Variants in LTN1 observed in about 807,000 individuals in gnomAD.
LTN1 encodes E3 ubiquitin-protein ligase listerin.
LTN1 carries 88 observed loss-of-function variants against 201.2 expected under a neutral mutation model. That is an observed-to-expected ratio of 0.44 (90% confidence interval 0.37 to 0.52). LTN1 has a LOEUF of 0.52. Ranked by LOEUF, LTN1 falls within the 20% of genes least tolerant of loss-of-function variation. LTN1 has a pLI of 0.00. For missense variants in LTN1, 1,752 were observed against 2,038.7 expected (o/e 0.86, Z 2.71); for synonymous variants, 645 against 713.5 (o/e 0.90, Z 1.53).
In LTN1 at chr21:28,965,916, GAA is replaced by G. The variant is rs1361648524; in HGVS notation, c.2122-12_2122-11del. The G allele has an allele frequency of 6.6e-7, 1 of 1,518,638 alleles. No individual in the cohort carries two copies. Among genetic ancestry groups the G allele is most frequent in the Non-Finnish European group, 9.0e-7 (1 of 1,109,076 alleles). The allele number at this position is 1,518,638 out of a possible 1,614,324, so 94.1% of individuals were successfully genotyped here. A position where few individuals can be genotyped will look rare whatever the true frequency, so the allele number is the denominator to read the frequency against. On this transcript the variant is annotated splice_polypyrimidine_tract_variant and intron_variant, in intron 10 of 29. Coordinates refer to ENST00000361371, the MANE Select transcript of LTN1 (RefSeq NM_015565.3). Reference sequence around the variant, plus strand: ...TCCATTTCAAGTCCACCTGAAAAAAGAAAAAGAGTTAGAAACAATCTGCTAGA... The same window carrying G: ...TCCATTTCAAGTCCACCTGAAAAAAGAAAGAGTTAGAAACAATCTGCTAGA...
rs1432901769 is a variant in LTN1 at position 28,929,619 on chromosome 21, T to C, written c.*829A>G. ...ATCTTTAAGTTTCAGTAATACTCAT[T>C]TATTTCTTCCCTCTCAATAGAAGGA... On this transcript the variant is annotated 3_prime_UTR_variant, in exon 30 of 30. Coordinates refer to ENST00000361371, the MANE Select transcript of LTN1 (RefSeq NM_015565.3). The C allele has an allele frequency of 6.6e-6, 1 of 152,112 alleles. No homozygotes were observed. Among genetic ancestry groups the C allele is most frequent in the Non-Finnish European group, 1.5e-5 (1 of 67,998 alleles). 9.4% of individuals were successfully genotyped at this position (152,112 alleles called of 1,614,324 possible).
intron 1 of LTN1, among the ~76,000 whole-genome samples, chr21:28,989,541 C>T (rs1239702727): frequency 6.6e-6 from 1 of 151,758 alleles, no homozygotes; most frequent in African/African-American, 2.4e-5. Flanking sequence ...TTTGTGGTGG[C>T]AATCCTGAGT....
chr21:28,936,684 TACA>T lies in LTN1; in HGVS notation c.4493_4495del (p.Leu1498del). On this transcript the variant is annotated inframe_deletion, in exon 26 of 30. Coordinates refer to ENST00000361371, the MANE Select transcript of LTN1 (RefSeq NM_015565.3). Reference sequence around the variant, plus strand: ...CTTTGTTTTCCGAAGATACATGGAATACAAAGCCCGAAGCTGGTGGAGAGCAAA... The same window carrying T: ...CTTTGTTTTCCGAAGATACATGGAATAAGCCCGAAGCTGGTGGAGAGCAAA... 2 of 1,611,214 alleles carry T rather than the reference TACA, an allele frequency of 1.2e-6. No homozygotes were observed. The highest frequency in any genetic ancestry group is 1.7e-6 in the Non-Finnish European group (2 of 1,178,300).
At chr21:28,992,417 C>T (rs1421822267) in intron 1 of LTN1, among the ~76,000 whole-genome samples, 2 of 152,080 alleles carry the variant, frequency 1.3e-5, no homozygotes, top group Non-Finnish European at 2.9e-5. Context: ...TAACATTCTC[C>T]CAACTCTCCT....
Position 28,959,635 on chromosome 21 carries a change from T to C in LTN1, c.2416A>G (p.Lys806Glu). The C allele has an allele frequency of 6.2e-7, 1 of 1,613,798 alleles. No homozygotes were observed. The highest frequency in any genetic ancestry group is 2.2e-5 in the East Asian group (1 of 44,846). Residue 806 changes from lysine to glutamate, a missense_variant, in exon 13 of 30, where the codon AAA (lysine) becomes GAA (glutamate). Transcript: ENST00000361371. ...TCAGCTTCTGATAATTTCTTTGTTT[T>C]GAATAAAGTTTCATGAAGTCTAACA... ...IIVRLHETLF[K>E]TKKLSEAESS...
intron 15 of LTN1, 74 bp downstream of exon 15, chr21:28,957,257 CA>C: frequency 1.5e-6 from 2 of 1,363,244 alleles, no homozygotes; most frequent in Non-Finnish European, 2.0e-6. Context: ...TTTTCTTCCC[CA>C]AAATAAAAAT....
rs2084245404 is a variant in LTN1, at chr21:28,935,262, G to A, written c.4722C>T (p.Asp1574=). The A allele has an allele frequency of 6.2e-7, 1 of 1,614,054 alleles. No homozygotes were observed. Among genetic ancestry groups the A allele is most frequent in the African/African-American group, 1.3e-5 (1 of 75,040 alleles). Residue 1574 remains aspartate, a synonymous_variant, in exon 27 of 30, where the codon GAC becomes GAT. Coordinates refer to ENST00000361371, the MANE Select transcript of LTN1 (RefSeq NM_015565.3). ...ACSVYHMTLK[D]LPAMVRLWWN... The stretch of plus-strand genomic sequence containing the variant: ...ACCACAACCTAACCATGGCAGGCAA[G>A]TCTTTTAATGTCATATGATAGACTG...
chr21:28,992,666 C>T (rs2084756918), intron 1 of LTN1, 98 bp downstream of exon 1: 1 of 1,381,842 alleles, frequency 7.2e-7, no homozygotes, highest in Non-Finnish European at 1.0e-6. Context: ...CACACGCCTC[C>T]CTACAGCCGC....
intron 21 of LTN1, among the ~76,000 whole-genome samples, chr21:28,945,079 G>A (rs1329507413): frequency 2.6e-5 from 4 of 152,062 alleles, no homozygotes; most frequent in Admixed American, 6.6e-5. Flanking sequence ...AAAATTAGTC[G>A]TGCATGCTGG....
chr21:28,930,565 A>G, intron 29 of LTN1, 55 bp from the exon 30 acceptor site: 3 of 1,143,666 alleles, frequency 2.6e-6, no homozygotes. Context: ...CTCCTCTAAC[A>G]TACATCATAA....
At position 28,958,761 on chromosome 21, in the gene LTN1, G is replaced by C. The variant is rs573638986; in HGVS notation, c.2594-222C>G. Among the ~76,000 whole-genome samples, 4 of 152,222 alleles carry C rather than the reference G, an allele frequency of 2.6e-5. No individual in the cohort carries two copies. In the South Asian group the frequency reaches 6.2e-4, roughly 24 times the overall value. Reference sequence around the variant, plus strand: ...GTATCATATAAATGTAAAATGGTAAGATTTTTAAAGTTACATTTTTTATGC... The same window carrying C: ...GTATCATATAAATGTAAAATGGTAACATTTTTAAAGTTACATTTTTTATGC... On this transcript the variant is annotated intron_variant, in intron 13 of 29. Coordinates refer to ENST00000361371, the MANE Select transcript of LTN1 (RefSeq NM_015565.3).
chr21:28,932,647 A>G lies in LTN1; in HGVS notation c.4893T>C (p.Thr1631=). The G allele has an allele frequency of 1.2e-6, 2 of 1,609,394 alleles. No homozygotes were observed. The highest frequency in any genetic ancestry group is 2.2e-5 in the South Asian group (2 of 90,064). The change falls in exon 28 of 30, where the codon ACT becomes ACC. Residue 1631 remains threonine, a synonymous_variant. Transcript: ENST00000361371. The part of the protein sequence containing the change: ...FNGMTVKARA[T]TREVMATYTI... The stretch of plus-strand genomic sequence containing the variant: ...TATAAGTAGCCATTACCTCTCGAGT[A>G]GTAGCTCGAGCTTTAACCTGCAATA...
intron 11 of LTN1, chr21:28,964,884 A>G: frequency 1.5e-6 from 2 of 1,342,108 alleles, no homozygotes; most frequent in Non-Finnish European, 1.9e-6. Flanking sequence ...ACTTGGCTAC[A>G]GGGAGAGAAG....
intron 25 of LTN1, among the ~76,000 whole-genome samples, chr21:28,940,753 G>A (rs937783528): frequency 1.3e-5 from 2 of 152,172 alleles, no homozygotes; most frequent in African/African-American, 4.8e-5. Flanking sequence ...AGGTATAAGG[G>A]ACAGGAGTAA....
Position 28,950,907 on chromosome 21 carries a change from G to C in LTN1, c.3344+1253C>G, listed in dbSNP as rs8131665. Among the ~76,000 whole-genome samples the C allele has an allele frequency of 6.9e-3, 1,052 of 152,276 alleles. 8 individuals are homozygous for C. The highest frequency in any genetic ancestry group is 0.024 in the African/African-American group (1,018 of 41,558). ...AGATTAGGACAATGGGAAGGGGAAG[G>C]GAGGTGGCTGAGGCTATATATGGAT... is the stretch of plus-strand genomic sequence containing the variant. On this transcript the variant is annotated intron_variant, in intron 18 of 29. Transcript: ENST00000361371.
chr21:28,935,894 G>C (rs1023968649), intron 26 of LTN1, among the ~76,000 whole-genome samples: 1 of 148,686 alleles, frequency 6.7e-6, no homozygotes. Flanking sequence ...AATCTACCTA[G>C]AAACAGATTT....
Position 28,956,872 on chromosome 21 carries a change from T to C in LTN1, c.2969A>G (p.Asp990Gly), listed in dbSNP as rs1401110796. 6.2e-7 allele frequency: 1 copy of C among 1,611,872 alleles called. No individual in the cohort carries two copies. Among genetic ancestry groups the C allele is most frequent in the East Asian group, 2.2e-5 (1 of 44,774 alleles). The change falls in exon 16 of 30, where the codon GAC becomes GGC. Residue 990 changes from aspartate to glycine, a missense_variant. This residue lies in a region of LTN1 where 1,211 missense variants were observed against 1,312.8 expected (regional missense o/e 0.92). Coordinates refer to ENST00000361371, the MANE Select transcript of LTN1 (RefSeq NM_015565.3). ...CAAATGGCTGGGAAGTGTCTTTATG[T>C]CCTGTTCCTTAAAATCTGTTTTGAA... ...ECFKTDFKEQ[D>G]IKTLPSHLCT...
intron 3 of LTN1, among the ~76,000 whole-genome samples, 178 bp downstream of exon 3, chr21:28,985,961 C>A (rs139283512): frequency 2.5e-4 from 38 of 152,156 alleles, no homozygotes; most frequent in African/African-American, 9.2e-4. Flanking sequence ...ATACCAGGCC[C>A]CAATCTCTTT....
At chr21:28,978,278 T>A (rs1421744005) in intron 6 of LTN1, among the ~76,000 whole-genome samples, 1 of 152,222 alleles carries the variant, frequency 6.6e-6, no homozygotes, top group African/African-American at 2.4e-5. Flanking sequence ...GTGACCCACC[T>A]GCCTTGGCCT....
Sources: gnomAD v4.1 joint callset for allele counts (sites outside exome capture counted in the v4.1 genomes callset) on GRCh38, gnomAD v4.1.1 for gene constraint, gnomAD v4.1.1 regional missense constraint, MANE v1.5 for transcripts, NCBI Gene and HGNC (gene_info 2026-07-23, HGNC 2026-07-21) for gene names.